IQSEC1: variants seen among roughly 807,000 people sequenced by gnomAD.
IQSEC1 encodes IQ motif and Sec7 domain ArfGEF 1.
IQSEC1 carries 31 observed loss-of-function variants against 91.0 expected under a neutral mutation model. The observed-to-expected ratio is 0.34, with a 90% CI of 0.26 to 0.46. The LOEUF (loss-of-function observed/expected upper bound fraction) is 0.46, where lower values mean the gene tolerates loss of function less well. Among genes scored for constraint, IQSEC1 ranks in the 20% least tolerant of loss-of-function variants. IQSEC1 has a pLI of 1.00. For synonymous variants in IQSEC1, 699 were observed against 662.6 expected (o/e 1.05, Z -0.84); for missense variants, 1,388 against 1,575.6 (o/e 0.88, Z 2.02).
chr3:13,194,337 T>A (rs1401690531), intron 1 of IQSEC1, among the ~76,000 whole-genome samples: 8 of 152,186 alleles, frequency 5.3e-5, no homozygotes, highest in African/African-American at 1.9e-4. Context: ...ATTCCCGTGT[T>A]TCTTGACCTA....
Position 12,979,941 on chromosome 3 carries a change from C to T in IQSEC1, c.24-38076G>A, listed in dbSNP as rs377461710. Among the ~76,000 whole-genome samples the T allele has an allele frequency of 6.6e-6, 1 of 152,280 alleles. No individual in the cohort carries two copies. The highest frequency in any genetic ancestry group is 1.9e-4 in the East Asian group (1 of 5,186). ...CATACTCAAGCGAGAAATGATTTCCCGACTACCTGAGGTGGGGGAAGGCAG... is the reference window on the plus strand; with the variant it reads ...CATACTCAAGCGAGAAATGATTTCCTGACTACCTGAGGTGGGGGAAGGCAG... On this transcript the variant is annotated intron_variant, in intron 1 of 13. Transcript: ENST00000613206. The surrounding 1 kb of genome is among the most constrained non-coding windows in gnomAD (Gnocchi z 4.3).
intron 2 of IQSEC1, among the ~76,000 whole-genome samples, chr3:13,106,817 T>C (rs375489979): frequency 4.6e-5 from 7 of 152,332 alleles, no homozygotes; most frequent in Admixed American, 2.0e-4. Flanking sequence ...TTGGAAGATA[T>C]CATCTCTTTG....
At chr3:13,192,211 G>A (rs890164964) in intron 1 of IQSEC1, among the ~76,000 whole-genome samples, 4 of 152,010 alleles carry the variant, frequency 2.6e-5, no homozygotes, top group Admixed American at 1.3e-4. Flanking sequence ...GGTGGCGGGC[G>A]CCTGTAGTCC....
At chr3:13,053,785 C>T (rs1704780365) in intron 1 of IQSEC1, among the ~76,000 whole-genome samples, 1 of 152,186 alleles carries the variant, frequency 6.6e-6, no homozygotes, top group African/African-American at 2.4e-5. Context: ...AGGCCACAGA[C>T]CTCTCTGTTC....
rs1701340405 is a variant in IQSEC1, at chr3:12,979,276, C to T, written c.24-37411G>A. On this transcript the variant is annotated intron_variant, in intron 1 of 13. Transcript: ENST00000613206. This position sits in a 1 kb window ranked among gnomAD's most constrained non-coding sequence, Gnocchi z 4.3. The stretch of plus-strand genomic sequence containing the variant: ...AACAAAATGCTGTTATAAACTCCTG[C>T]TTTGATCCTGTTATCAGCCCCATCC... Among the ~76,000 whole-genome samples, 2 of 152,222 alleles carry T rather than the reference C, an allele frequency of 1.3e-5. No homozygotes were observed. The highest frequency in any genetic ancestry group is 4.8e-5 in the African/African-American group (2 of 41,446).
intron 1 of IQSEC1, among the ~76,000 whole-genome samples, chr3:12,948,515 T>C (rs1375229700): frequency 1.3e-5 from 2 of 152,340 alleles, no homozygotes; most frequent in African/African-American, 4.8e-5. Context: ...CCAGACCTGT[T>C]GGATGCCACG....
At chr3:13,212,795 G>A (rs1694470391) in intron 1 of IQSEC1, among the ~76,000 whole-genome samples, 1 of 152,186 alleles carries the variant, frequency 6.6e-6, no homozygotes, top group Non-Finnish European at 1.5e-5. Context: ...TCTCACATGT[G>A]TACTGGTCAC....
At chr3:13,079,226 CCT>C (rs1305808230) in intron 2 of IQSEC1, among the ~76,000 whole-genome samples, 1 of 152,238 alleles carries the variant, frequency 6.6e-6, no homozygotes, top group African/African-American at 2.4e-5. Flanking sequence ...CCACTGGCTG[CCT>C]GGCCCCATCC....
chr3:13,148,159 AGGCC>A (rs1291275470), intron 2 of IQSEC1, among the ~76,000 whole-genome samples: 1 of 152,184 alleles, frequency 6.6e-6, no homozygotes, highest in Non-Finnish European at 1.5e-5. Context: ...GACCTTGGGT[AGGCC>A]ACTTCCTCTG....
At position 12,994,579 on chromosome 3, in the gene IQSEC1, C is replaced by A. The variant is rs931631378; in HGVS notation, c.24-52714G>T. Among the ~76,000 whole-genome samples the A allele has an allele frequency of 1.3e-5, 2 of 152,140 alleles. No individual in the cohort carries two copies. The highest frequency in any genetic ancestry group is 2.9e-5 in the Non-Finnish European group (2 of 68,020). On this transcript the variant is annotated intron_variant, in intron 1 of 13. Transcript: ENST00000613206. The surrounding 1 kb of genome is among the most constrained non-coding windows in gnomAD (Gnocchi z 4.5). ...ACAAACGCACCTCAGGCCAAGTCCC[C>A]CGGCTCCTCCGAGGGAAAGCTGCAG...
chr3:13,145,311 A>T (rs1353153264), intron 2 of IQSEC1, among the ~76,000 whole-genome samples: 1 of 152,162 alleles, frequency 6.6e-6, no homozygotes, highest in Non-Finnish European at 1.5e-5. Context: ...TACTCTCATC[A>T]GTGACCCAGG....
chr3:13,186,660 A>G (rs1333136284), intron 1 of IQSEC1, among the ~76,000 whole-genome samples: 1 of 152,126 alleles, frequency 6.6e-6, no homozygotes, highest in Non-Finnish European at 1.5e-5. Flanking sequence ...GGGCAGAGCT[A>G]GTTCAGGGTG....
chr3:13,019,266 T>TC (rs150007438), intron 1 of IQSEC1, among the ~76,000 whole-genome samples: 1,767 of 152,328 alleles, frequency 0.012, 18 homozygotes, highest in Non-Finnish European at 0.018. Context: ...GAGACCCTTC[T>TC]CCCGGCTCCT....
rs534660735 is a variant in IQSEC1, at chr3:13,073,033, T to TC, written c.-20dup. 1,229 of 1,551,772 alleles carry TC rather than the reference T, an allele frequency of 7.9e-4. 9 individuals carry two copies. The African/African-American group carries it at 0.011, about 14-fold the overall frequency. Reference sequence around the variant, plus strand: ...AAGCCATCCTGTGTGAATCCGTTCTTCCCTGTTCTGGCTCCCTCTCCAGCG... The same window carrying TC: ...AAGCCATCCTGTGTGAATCCGTTCTTCCCCTGTTCTGGCTCCCTCTCCAGCG... On this transcript the variant is annotated 5_prime_UTR_variant, in exon 1 of 14. Transcript: ENST00000613206.
chr3:13,199,898 C>T (rs1055205754), intron 1 of IQSEC1, among the ~76,000 whole-genome samples: 3 of 151,156 alleles, frequency 2.0e-5, no homozygotes, highest in African/African-American at 7.3e-5. Flanking sequence ...CACACACACA[C>T]ACAACAAACA....
intron 1 of IQSEC1, among the ~76,000 whole-genome samples, chr3:12,986,308 A>G (rs1701731068): frequency 6.6e-6 from 1 of 152,164 alleles, no homozygotes; most frequent in African/African-American, 2.4e-5. Context: ...AGCCCCAGGT[A>G]ACAGCAGCCC....
intron 2 of IQSEC1, among the ~76,000 whole-genome samples, chr3:13,083,663 A>T (rs1025934725): frequency 2.6e-5 from 4 of 152,254 alleles, no homozygotes; most frequent in Non-Finnish European, 5.9e-5. Context: ...CAGCCTTGCT[A>T]GATGCTTCAT....
chr3:13,077,030 CTTTT>C (rs11360262), upstream of IQSEC1, among the ~76,000 whole-genome samples: 11 of 144,838 alleles, frequency 7.6e-5, no homozygotes, highest in Non-Finnish European at 1.2e-4. Context: ...TTCTTTCTTT[CTTTT>C]TTTTTTTTTT....
At chr3:13,204,192 C>G (rs1335389696) in intron 1 of IQSEC1, among the ~76,000 whole-genome samples, 3 of 152,266 alleles carry the variant, frequency 2.0e-5, no homozygotes, top group Non-Finnish European at 4.4e-5. Context: ...AGCTGGGGCC[C>G]CGCGTGCAGC....
Sources: allele counts gnomAD v4.1 joint callset (sites outside exome capture counted in the v4.1 genomes callset), GRCh38; gene constraint gnomAD v4.1.1; non-coding constraint Gnocchi (gnomAD v3.1); transcripts MANE v1.5; gene names NCBI Gene and HGNC (gene_info 2026-07-23, HGNC 2026-07-21).